SV2C: variants seen among roughly 807,000 people sequenced by gnomAD.
SV2C encodes the protein synaptic vesicle glycoprotein 2C.
In SV2C, 49 loss-of-function variants were observed where a neutral mutation model predicts 79.7. That is an observed-to-expected ratio of 0.61 (90% CI 0.49 to 0.78). The LOEUF is 0.78. Among genes scored for constraint, SV2C ranks in the 30% least tolerant of loss-of-function variants. The pLI is 0.00. For synonymous variants in SV2C, 334 were observed against 333.2 expected (o/e 1.00, Z -0.03); for missense variants, 833 against 912.9 (o/e 0.91, Z 1.13).
At chr5:75,994,916 C>T in the SV2C span, among the ~76,000 whole-genome samples, 252 of 152,270 alleles carry the variant, frequency 1.7e-3, 7 homozygotes, top group East Asian at 0.043. Flanking sequence ...GGCCAACGGC[C>T]TGAGAGCCAA....
At chr5:75,936,255 C>G in the SV2C span, among the ~76,000 whole-genome samples, 1 of 152,174 alleles carries the variant, frequency 6.6e-6, no homozygotes, top group Non-Finnish European at 1.5e-5. Flanking sequence ...CACATCTGCA[C>G]AATTCTCCTC....
In SV2C at chr5:76,121,806, G is replaced by T. The variant is rs1052903942; in HGVS notation, c.-101-9844G>T. ...ATAGTTTGAAGTCAGGTAGCGTGAT[G>T]CCTCCAGCTTTGTTCTTTTGGCTTA... On this transcript the variant is annotated intron_variant, in intron 1 of 12. Transcript: ENST00000502798. Among the ~76,000 whole-genome samples the T allele has an allele frequency of 6.9e-3, 1,051 of 151,856 alleles. 9 individuals carry two copies. Among genetic ancestry groups the T allele is most frequent in the African/African-American group, 0.024 (1,008 of 41,222 alleles).
At chr5:76,285,956 T>C in intron 6 of SV2C, 86 bp downstream of exon 6, 1 of 1,276,762 alleles carries the variant, frequency 7.8e-7, no homozygotes, top group Non-Finnish European at 1.1e-6. Flanking sequence ...TTTTAGACTT[T>C]GCAAGTCATA....
the SV2C span, among the ~76,000 whole-genome samples, chr5:76,076,576 G>A: frequency 6.6e-6 from 1 of 152,104 alleles, no homozygotes; most frequent in Non-Finnish European, 1.5e-5. Context: ...AGTCCAGGAT[G>A]AGGGAGGGCT....
chr5:75,971,496 T>C, the SV2C span, among the ~76,000 whole-genome samples: 9 of 152,026 alleles, frequency 5.9e-5, no homozygotes, highest in Admixed American at 2.0e-4. Flanking sequence ...ACAAAATCAA[T>C]GTGCAAAAAT....
chr5:76,230,058 T>C (rs772866315), intron 4 of SV2C, among the ~76,000 whole-genome samples: 1 of 152,206 alleles, frequency 6.6e-6, no homozygotes, highest in African/African-American at 2.4e-5. Context: ...ACTACGGGAA[T>C]GGGTATGCAC....
the SV2C span, among the ~76,000 whole-genome samples, chr5:76,036,443 G>T: frequency 6.6e-6 from 1 of 151,984 alleles, no homozygotes; most frequent in Non-Finnish European, 1.5e-5. Flanking sequence ...AGGCCTGGTG[G>T]TGACAAAATC....
At chr5:76,183,314 C>T (rs898398909) in intron 2 of SV2C, among the ~76,000 whole-genome samples, 2 of 151,920 alleles carry the variant, frequency 1.3e-5, no homozygotes, top group Admixed American at 6.6e-5. Context: ...TGTAAGCCAC[C>T]ATGCCCAGCT....
the SV2C span, among the ~76,000 whole-genome samples, chr5:75,888,634 C>A: frequency 6.6e-6 from 1 of 151,996 alleles, no homozygotes; most frequent in African/African-American, 2.4e-5. Flanking sequence ...TTCAGAGAGT[C>A]CTTCTCTACC....
chr5:75,911,109 C>G, the SV2C span: 1 of 1,498,438 alleles, frequency 6.7e-7, no homozygotes. Context: ...ATTCTGAGAT[C>G]AAGGAGCACT....
At chr5:75,919,401 T>C in the SV2C span, among the ~76,000 whole-genome samples, 1 of 152,234 alleles carries the variant, frequency 6.6e-6, no homozygotes, top group East Asian at 1.9e-4. Context: ...AGAATCAAAA[T>C]TGTCTATGCA....
chr5:76,275,513 A>G (rs1747000094), intron 4 of SV2C, among the ~76,000 whole-genome samples: 1 of 152,020 alleles, frequency 6.6e-6, no homozygotes, highest in African/African-American at 2.4e-5. Context: ...AACACAAACA[A>G]AAACAAAACA....
intron 2 of SV2C, among the ~76,000 whole-genome samples, chr5:76,185,462 A>C (rs1743885219): frequency 6.6e-6 from 1 of 152,242 alleles, no homozygotes; most frequent in African/African-American, 2.4e-5. Flanking sequence ...CCTTGCAGCA[A>C]ACATCTGCCT....
the SV2C span, among the ~76,000 whole-genome samples, chr5:75,876,699 G>T: frequency 5.7e-4 from 87 of 152,184 alleles, no homozygotes; most frequent in African/African-American, 2.0e-3. Context: ...ATGGAATAGA[G>T]CTATGTAGGA....
At chr5:76,037,732 T>C in the SV2C span, among the ~76,000 whole-genome samples, 1 of 152,204 alleles carries the variant, frequency 6.6e-6, no homozygotes, top group Non-Finnish European at 1.5e-5. Context: ...AGGTGGAGCC[T>C]ACAGAGGCAG....
chr5:76,297,507 A>G (rs572350036), intron 9 of SV2C, among the ~76,000 whole-genome samples: 62 of 152,320 alleles, frequency 4.1e-4, no homozygotes, highest in African/African-American at 1.3e-3. Context: ...TCAAAAAATA[A>G]AACTGATTCA....
At chr5:75,904,262 A>G in the SV2C span, among the ~76,000 whole-genome samples, 1 of 152,160 alleles carries the variant, frequency 6.6e-6, no homozygotes, top group South Asian at 2.1e-4. Context: ...TTTGCTGACA[A>G]CAGGTCTTTG....
chr5:76,133,720 T>A (rs578142713), intron 2 of SV2C, among the ~76,000 whole-genome samples: 1 of 152,208 alleles, frequency 6.6e-6, no homozygotes, highest in African/African-American at 2.4e-5. Flanking sequence ...CAGAGGAGGG[T>A]CCTTGGTCAT....
the SV2C span, among the ~76,000 whole-genome samples, chr5:76,078,028 G>A: frequency 1.3e-5 from 2 of 152,204 alleles, no homozygotes; most frequent in Non-Finnish European, 2.9e-5. Flanking sequence ...AGTCAATCAG[G>A]AAAGTTGTAG....
Sources: gnomAD v4.1 joint callset for allele counts (sites outside exome capture counted in the v4.1 genomes callset) on GRCh38, gnomAD v4.1.1 for gene constraint, MANE v1.5 for transcripts, NCBI Gene and HGNC (gene_info 2026-07-23, HGNC 2026-07-21) for gene names.